Variants in MTOR observed in about 807,000 individuals in gnomAD.
MTOR encodes the protein serine/threonine-protein kinase mTOR.
In MTOR, 70 loss-of-function variants were observed where a neutral mutation model predicts 319.8. The ratio of observed to expected loss-of-function variants is 0.22; its 90% CI spans 0.18 to 0.27. The LOEUF is 0.27. Ranked by LOEUF, MTOR falls within the 10% of genes least tolerant of loss-of-function variation. MTOR has a pLI of 1.00. For synonymous variants in MTOR, 1,183 were observed against 1,211.4 expected, an observed-to-expected ratio of 0.98 and a Z score of 0.49; for missense variants, 1,890 against 3,274.4, an observed-to-expected ratio of 0.58 and a Z score of 10.32.
In MTOR at chr1:11,139,796, A is replaced by G. The variant is rs1643602227; in HGVS notation, c.4873-138T>C. ...AACCTCTGCCTCCCGGGTTCAAGCA[A>G]TTCTCCTGCCTCAGCCTCCCGAGTA... is the stretch of plus-strand genomic sequence containing the variant. On this transcript the variant is annotated intron_variant, in intron 34 of 57. Coordinates refer to ENST00000361445, the MANE Select transcript of MTOR (RefSeq NM_004958.4). 5.7e-6 allele frequency: 6 copies of G among 1,048,946 alleles called. No individual in the cohort carries two copies. The Admixed American group carries it at 1.2e-4, about 21-fold the overall frequency. 65.0% of individuals were successfully genotyped at this position (1,048,946 alleles called of 1,614,324 possible).
intron 13 of MTOR, among the ~76,000 whole-genome samples, chr1:11,234,658 A>G (rs896450386): frequency 2.6e-5 from 4 of 152,242 alleles, no homozygotes; most frequent in Non-Finnish European, 5.9e-5. Flanking sequence ...ATCTTTGTCC[A>G]GACAGCAAAT....
intron 5 of MTOR, among the ~76,000 whole-genome samples, chr1:11,255,243 C>A (rs1183978136): frequency 6.6e-6 from 1 of 151,668 alleles, no homozygotes; most frequent in Non-Finnish European, 1.5e-5. Context: ...ATTGGCTGGG[C>A]GTGATGGCAC....
Position 11,166,432 on chromosome 1 carries a change from C to T in MTOR, c.4329+1010G>A, listed in dbSNP as rs551113827. 4.1e-3 allele frequency among the ~76,000 whole-genome samples: 632 copies of T among 152,294 alleles called. 4 individuals carry two copies. The highest frequency in any genetic ancestry group is 0.015 in the African/African-American group (604 of 41,552). Reference sequence around the variant, plus strand: ...TCAAACAACCCCATCAAAAAGTGGGCAAAGGAGATGAACAGACACTTCTCA... The same window carrying T: ...TCAAACAACCCCATCAAAAAGTGGGTAAAGGAGATGAACAGACACTTCTCA... On this transcript the variant is annotated intron_variant, in intron 29 of 57. Transcript: ENST00000361445.
chr1:11,257,305 G>A (rs1650525055), intron 3 of MTOR, 140 bp from the exon 4 acceptor site: 4 of 709,204 alleles, frequency 5.6e-6, no homozygotes, highest in South Asian at 5.3e-5. Context: ...GGAGGCTGAG[G>A]CGGGCGGATT....
intron 5 of MTOR, among the ~76,000 whole-genome samples, chr1:11,254,953 C>T (rs1650169160): frequency 1.3e-5 from 2 of 151,746 alleles, no homozygotes; most frequent in Non-Finnish European, 2.9e-5. Context: ...TTTGTAGAGA[C>T]GGGATCCCAC....
rs1237759104 is a variant in MTOR at position 11,219,472 on chromosome 1, G to A, written c.3031-3238C>T. On this transcript the variant is annotated intron_variant, in intron 19 of 57. Transcript: ENST00000361445. ...GGAATCTCTAAGCCAAGAAATTAAA[G>A]TTCTCATGGACCACCTGGCAGAAGT... Among the ~76,000 whole-genome samples the A allele has an allele frequency of 2.0e-5, 3 of 152,278 alleles. No individual in the cohort carries two copies. In the East Asian group the frequency reaches 5.8e-4, roughly 29 times the overall value.
intron 28 of MTOR, chr1:11,195,065 G>A (rs757169602): frequency 1.5e-4 from 247 of 1,598,698 alleles, no homozygotes; most frequent in Non-Finnish European, 1.9e-4. Flanking sequence ...ACTGAGACAC[G>A]TGGAGACTGG....
At chr1:11,153,017 C>T (rs942676662) in intron 30 of MTOR, among the ~76,000 whole-genome samples, 113 of 152,260 alleles carry the variant, frequency 7.4e-4, no homozygotes, top group African/African-American at 2.7e-3. Flanking sequence ...ATCAGGAGAT[C>T]GATATCACTC....
intron 30 of MTOR, among the ~76,000 whole-genome samples, chr1:11,155,828 T>C (rs1261472379): frequency 6.6e-6 from 1 of 152,026 alleles, no homozygotes; most frequent in Non-Finnish European, 1.5e-5. Flanking sequence ...CACGGCTGTG[T>C]CCCTAGGGCC....
Position 11,129,264 on chromosome 1 carries a change from C to T in MTOR, c.5715-313G>A, listed in dbSNP as rs1252297785. ...GCCACAAGTCTGCACATGTAAGAGT[C>T]GCTGTACGGCAGAGGCAACAGGGAC... On this transcript the variant is annotated intron_variant, in intron 40 of 57. Coordinates refer to ENST00000361445, the MANE Select transcript of MTOR (RefSeq NM_004958.4). The surrounding 1 kb of genome is among the most constrained non-coding windows in gnomAD (Gnocchi z 4.7). 2.0e-5 allele frequency among the ~76,000 whole-genome samples: 3 copies of T among 152,190 alleles called. No homozygotes were observed. The highest frequency in any genetic ancestry group is 6.5e-5 in the Admixed American group (1 of 15,286).
intron 34 of MTOR, among the ~76,000 whole-genome samples, chr1:11,143,356 C>T (rs960707456): frequency 6.6e-6 from 1 of 152,182 alleles, no homozygotes; most frequent in Non-Finnish European, 1.5e-5. Context: ...GATCAAGTCC[C>T]ACTTGTCAGA....
Position 11,220,287 on chromosome 1 carries a change from C to T in MTOR, c.3031-4053G>A, listed in dbSNP as rs79550218. On this transcript the variant is annotated intron_variant, in intron 19 of 57. Coordinates refer to ENST00000361445, the MANE Select transcript of MTOR (RefSeq NM_004958.4). ...AGAAAAAATATGTAAAAGGGATTCA[C>T]GATTTCTCAACGGCAACAAAAAGAA... Among the ~76,000 whole-genome samples the T allele has an allele frequency of 5.9e-5, 9 of 152,122 alleles. No homozygotes were observed. In the East Asian group the frequency reaches 1.5e-3, roughly 26 times the overall value.
At chr1:11,250,266 A>AG (rs1649488143) in intron 6 of MTOR, among the ~76,000 whole-genome samples, 1 of 81,746 alleles carries the variant, frequency 1.2e-5, no homozygotes, top group Admixed American at 1.3e-4. Flanking sequence ...CTGGCCGGGC[A>AG]GGGGGCTGAC....
At chr1:11,178,174 A>G (rs1180329184) in intron 28 of MTOR, among the ~76,000 whole-genome samples, 1 of 152,224 alleles carries the variant, frequency 6.6e-6, no homozygotes, top group African/African-American at 2.4e-5. Flanking sequence ...ACTGTCCTGC[A>G]GAAGTTTACA....
intron 34 of MTOR, 142 bp from the exon 35 acceptor site, chr1:11,139,800 T>C (rs1447029532): frequency 2.9e-6 from 3 of 1,028,068 alleles, no homozygotes; most frequent in South Asian, 3.1e-5. Context: ...CAAGCAATTC[T>C]CCTGCCTCAG....
intron 1 of MTOR, among the ~76,000 whole-genome samples, chr1:11,260,372 G>A (rs957412020): frequency 2.0e-5 from 3 of 152,006 alleles, no homozygotes; most frequent in Non-Finnish European, 2.9e-5. Flanking sequence ...GTGAAACCCC[G>A]TCTCTACTAA....
At position 11,258,576 on chromosome 1, in the gene MTOR, A is replaced by T. The variant is rs1650724188; in HGVS notation, c.180T>A (p.Ser60=). 5.0e-6 allele frequency: 8 copies of T among 1,613,622 alleles called. No homozygotes were observed. Among genetic ancestry groups the T allele is most frequent in the Non-Finnish European group, 6.8e-6 (8 of 1,179,710 alleles). ...MELREMSQEE[S]TRFYDQLNHH... ...GGTTCAGTTGGTCATAGAAGCGAGT[A>T]GACTCCTCTTGACTCATCTGCAAAA... Residue 60 remains serine, a synonymous_variant, in exon 3 of 58, where the codon TCT becomes TCA. Coordinates refer to ENST00000361445, the MANE Select transcript of MTOR (RefSeq NM_004958.4).
rs377183416 is a variant in MTOR, at chr1:11,198,135, G to A, written c.4253+1123C>T. ...CTTAAAGTGATCATACTTAGTTACC[G>A]TATTTTCTATGAGCTATCAAGTGAC... On this transcript the variant is annotated intron_variant, in intron 28 of 57. Transcript: ENST00000361445. 4.2e-4 allele frequency among the ~76,000 whole-genome samples: 64 copies of A among 152,300 alleles called. No individual in the cohort carries two copies. In the South Asian group the frequency reaches 7.9e-3, roughly 19 times the overall value.
chr1:11,216,906 T>C (rs1245892006), intron 19 of MTOR, among the ~76,000 whole-genome samples: 1 of 152,198 alleles, frequency 6.6e-6, no homozygotes, highest in African/African-American at 2.4e-5. Flanking sequence ...TACTATTCAG[T>C]GCTCAATGAA....
Sources: allele counts gnomAD v4.1 joint callset (sites outside exome capture counted in the v4.1 genomes callset), GRCh38; gene constraint gnomAD v4.1.1; non-coding constraint Gnocchi (gnomAD v3.1); transcripts MANE v1.5; gene names NCBI Gene and HGNC (gene_info 2026-07-23, HGNC 2026-07-21).